Variants in DNMBP observed in about 807,000 individuals in gnomAD.
The protein encoded by DNMBP is dynamin binding protein.
In DNMBP, 87 loss-of-function variants were observed where a neutral mutation model predicts 150.0. The ratio of observed to expected loss-of-function variants is 0.58; its 90% CI spans 0.49 to 0.69. The LOEUF is 0.69. Ranked by LOEUF, DNMBP falls within the 30% of genes least tolerant of loss-of-function variation. DNMBP has a pLI of 0.00. For missense variants in DNMBP, 1,774 were observed against 1,949.0 expected (o/e 0.91, Z 1.69); for synonymous variants, 711 against 750.4 (o/e 0.95, Z 0.86).
At chr10:99,883,662 AAAAAAATTTG>A in intron 15 of DNMBP, among the ~76,000 whole-genome samples, 1 of 148,722 alleles carries the variant, frequency 6.7e-6, no homozygotes, top group Admixed American at 6.7e-5. Flanking sequence ...AAAAAAAAAA[AAAAAAATTTG>A]AAAAGAGGGC....
chr10:99,930,899 C>T lies in DNMBP; in HGVS notation c.2261-21753G>A, dbSNP rs1466088258. 13 of 558,062 alleles carry T rather than the reference C, an allele frequency of 2.3e-5. No homozygotes were observed. The Middle Eastern group carries it at 1.1e-3, about 45-fold the overall frequency. 34.6% of individuals were successfully genotyped at this position (558,062 alleles called of 1,614,324 possible). ...TCCCAACCATTCCAGACACTCTTCTCGTTGCTCTAGTCGGAGCGCAGTGAG... is the reference window on the plus strand; with the variant it reads ...TCCCAACCATTCCAGACACTCTTCTTGTTGCTCTAGTCGGAGCGCAGTGAG... On this transcript the variant is annotated intron_variant, in intron 4 of 16. Coordinates refer to ENST00000324109, the MANE Select transcript of DNMBP (RefSeq NM_015221.4).
chr10:99,999,138 G>C (rs886417534), intron 1 of DNMBP, among the ~76,000 whole-genome samples: 6 of 152,148 alleles, frequency 3.9e-5, no homozygotes, highest in African/African-American at 1.4e-4. Flanking sequence ...TGGTGAGTTA[G>C]TCTCGCATAC....
Position 99,887,718 on chromosome 10 carries a change from T to C in DNMBP, c.3286-1086A>G, listed in dbSNP as rs574666407. Among the ~76,000 whole-genome samples the C allele has an allele frequency of 3.3e-5, 5 of 152,280 alleles. 1 individual carries two copies. In the East Asian group the frequency reaches 9.6e-4, roughly 29 times the overall value. ...GTCTTTTTCACCCTCAGGCCACTTA[T>C]AGATCCCTACAAAACTATCAAACCC... On this transcript the variant is annotated intron_variant, in intron 12 of 16. Coordinates refer to ENST00000324109, the MANE Select transcript of DNMBP (RefSeq NM_015221.4).
intron 3 of DNMBP, among the ~76,000 whole-genome samples, chr10:99,960,808 A>G (rs2040556289): frequency 6.6e-6 from 1 of 152,040 alleles, no homozygotes; most frequent in Non-Finnish European, 1.5e-5. Flanking sequence ...CTCCATCTCA[A>G]CAACAACAAA....
In DNMBP at chr10:99,972,143, A is replaced by T. The variant is rs2040685116; in HGVS notation, c.-10-9T>A. 1 of 1,603,288 alleles carries T rather than the reference A, an allele frequency of 6.2e-7. No individual in the cohort carries two copies. The highest frequency in any genetic ancestry group is 8.5e-7 in the Non-Finnish European group (1 of 1,176,794). On this transcript the variant is annotated splice_polypyrimidine_tract_variant and intron_variant, in intron 1 of 16. Coordinates refer to ENST00000324109, the MANE Select transcript of DNMBP (RefSeq NM_015221.4). ...CCTCCATGTTTTATAACCTGGAAAG[A>T]TAGATCAAGAGAAATAGAAAACATC... is the stretch of plus-strand genomic sequence containing the variant.
intron 4 of DNMBP, among the ~76,000 whole-genome samples, chr10:99,919,135 G>A (rs1368105838): frequency 6.6e-6 from 1 of 152,140 alleles, no homozygotes; most frequent in Non-Finnish European, 1.5e-5. Context: ...CAGGCAAAGA[G>A]GAATAAAATG....
intron 2 of DNMBP, among the ~76,000 whole-genome samples, chr10:99,970,998 A>AAAAAT (rs2040669805): frequency 1.4e-5 from 2 of 147,288 alleles, no homozygotes; most frequent in African/African-American, 2.5e-5. Flanking sequence ...AAAAAAAAAA[A>AAAAAT]GGAAAGCAGT....
In DNMBP at chr10:99,955,736, T is replaced by C. The variant is rs2040482765; in HGVS notation, c.1738A>G (p.Met580Val). 6 of 1,614,248 alleles carry C rather than the reference T, an allele frequency of 3.7e-6. No individual in the cohort carries two copies. The highest frequency in any genetic ancestry group is 5.1e-6 in the Non-Finnish European group (6 of 1,180,044). ...ATATCCTTCTCAGAGTTAAAGTCCA[T>C]GATTGAAAAGTGGCGTAAAATTTTA... is the stretch of plus-strand genomic sequence containing the variant. ...PDKILRHFSI[M>V]DFNSEKDIVR... Residue 580 changes from methionine (M) to valine (V), a missense_variant, in exon 4 of 17, where the codon ATG becomes GTG. This residue lies in a region of DNMBP where 1,430 missense variants were observed against 1,492.5 expected (regional missense o/e 0.96). Transcript: ENST00000324109.
Position 99,909,044 on chromosome 10 carries a change from A to G in DNMBP, c.2363T>C (p.Val788Ala), listed in dbSNP as rs995157098. Residue 788 changes from valine to alanine, a missense_variant, in exon 5 of 17, where the codon GTC becomes GCC. Val to Ala is a moderately conservative substitution (Grantham distance 64). Coordinates refer to ENST00000324109, the MANE Select transcript of DNMBP (RefSeq NM_015221.4). Reference protein sequence around the residue: ...EQRMLEKRAKVIEELLQTERD... With the variant: ...EQRMLEKRAKAIEELLQTERD... ...TTCTGTCTGAAGAAGTTCTTCTATGACCTTGGCTCTCTTCTCCAGCATCCT... is the reference window on the plus strand; with the variant it reads ...TTCTGTCTGAAGAAGTTCTTCTATGGCCTTGGCTCTCTTCTCCAGCATCCT... 1.9e-6 allele frequency: 3 copies of G among 1,613,988 alleles called. No individual in the cohort carries two copies. The African/African-American group carries it at 4.0e-5, about 22-fold the overall frequency.
intron 4 of DNMBP, among the ~76,000 whole-genome samples, chr10:99,941,711 G>A (rs1313388941): frequency 7.2e-5 from 11 of 152,046 alleles, no homozygotes; most frequent in Middle Eastern, 6.8e-3. Flanking sequence ...CAGGTGATCC[G>A]CCCGCCTTGG....
chr10:99,948,154 C>T (rs1032128579), intron 4 of DNMBP, among the ~76,000 whole-genome samples: 44 of 152,212 alleles, frequency 2.9e-4, no homozygotes, highest in African/African-American at 9.6e-4. Flanking sequence ...AATATTTTTA[C>T]ATGTTATTAA....
chr10:99,925,528 G>A (rs1006230644), intron 4 of DNMBP, among the ~76,000 whole-genome samples: 3 of 152,044 alleles, frequency 2.0e-5, no homozygotes, highest in South Asian at 2.1e-4. Flanking sequence ...CGATTCTCCC[G>A]CCTCAGCCTC....
At chr10:99,957,264 C>A in intron 3 of DNMBP, 59 bp from the exon 4 acceptor site, 3 of 1,442,752 alleles carry the variant, frequency 2.1e-6, no homozygotes, top group Non-Finnish European at 2.8e-6. Flanking sequence ...AACATTATCA[C>A]GACTAATAGT....
intron 4 of DNMBP, among the ~76,000 whole-genome samples, chr10:99,950,039 C>T (rs547683961): frequency 1.5e-3 from 234 of 152,218 alleles, no homozygotes; most frequent in African/African-American, 4.6e-3. Flanking sequence ...CACCCAAATC[C>T]CATCTTGAAT....
At chr10:99,967,187 C>G (rs1342055296) in intron 3 of DNMBP, among the ~76,000 whole-genome samples, 1 of 152,002 alleles carries the variant, frequency 6.6e-6, no homozygotes, top group Admixed American at 6.6e-5. Context: ...TCACTTGAGG[C>G]TAGGAGTTTC....
chr10:99,939,386 G>A (rs2040269533), intron 4 of DNMBP, among the ~76,000 whole-genome samples: 1 of 152,214 alleles, frequency 6.6e-6, no homozygotes, highest in African/African-American at 2.4e-5. Flanking sequence ...GGTCTAACTT[G>A]TCTTCCTATC....
intron 4 of DNMBP, among the ~76,000 whole-genome samples, chr10:99,915,108 A>AT (rs1554863106): frequency 0.011 from 1,105 of 99,774 alleles, 20 homozygotes; most frequent in African/African-American, 0.033. Flanking sequence ...AAAAAAAAAA[A>AT]ATATATATAT....
At chr10:99,975,979 G>T (rs1036564251) in intron 1 of DNMBP, among the ~76,000 whole-genome samples, 2 of 152,158 alleles carry the variant, frequency 1.3e-5, no homozygotes, top group Admixed American at 1.3e-4. Context: ...CCATTTGGCA[G>T]GTGGGGACAC....
chr10:99,935,936 G>T (rs558908942), intron 4 of DNMBP, among the ~76,000 whole-genome samples: 4 of 152,230 alleles, frequency 2.6e-5, no homozygotes, highest in African/African-American at 9.6e-5. Context: ...CAATGTGCTT[G>T]ACTATAAAAT....
Sources: gnomAD v4.1 joint callset for allele counts (sites outside exome capture counted in the v4.1 genomes callset) on GRCh38, gnomAD v4.1.1 for gene constraint, gnomAD v4.1.1 regional missense constraint, MANE v1.5 for transcripts, NCBI Gene and HGNC (gene_info 2026-07-23, HGNC 2026-07-21) for gene names.